The following ADAMTS3 variants were observed in gnomAD, a reference collection of about 807,000 sequenced individuals.
ADAMTS3 encodes ADAM metallopeptidase with thrombospondin type 1 motif 3.
In ADAMTS3, 73 loss-of-function variants were observed where a neutral mutation model predicts 129.0. The observed-to-expected ratio is 0.57, with a 90% confidence interval of 0.47 to 0.69. ADAMTS3 has a LOEUF of 0.69. Among genes scored for constraint, ADAMTS3 ranks in the 30% least tolerant of loss-of-function variants. ADAMTS3 has a pLI of 0.00. For synonymous variants in ADAMTS3, 477 were observed against 510.8 expected, an observed-to-expected ratio of 0.93 and a Z score of 0.89; for missense variants, 1,457 against 1,514.5, an observed-to-expected ratio of 0.96 and a Z score of 0.63.
intron 2 of ADAMTS3, among the ~76,000 whole-genome samples, chr4:72,550,360 C>T (rs1439916213): frequency 6.6e-6 from 1 of 151,990 alleles, no homozygotes; most frequent in Non-Finnish European, 1.5e-5. Flanking sequence ...TCATTATTTT[C>T]TTGCTTTTTA....
intron 20 of ADAMTS3, among the ~76,000 whole-genome samples, 159 bp downstream of exon 20, chr4:72,290,696 T>C (rs1469679439): frequency 6.6e-6 from 1 of 152,206 alleles, no homozygotes; most frequent in Middle Eastern, 3.2e-3. Flanking sequence ...ATGTACTGTC[T>C]TAAAGCATTA....
chr4:72,439,932 T>G (rs1718065231), intron 3 of ADAMTS3, among the ~76,000 whole-genome samples: 1 of 151,810 alleles, frequency 6.6e-6, no homozygotes, highest in Admixed American at 6.6e-5. Flanking sequence ...CACTCAATTG[T>G]TTACAAATTC....
At chr4:72,431,901 C>T (rs1009360345) in intron 3 of ADAMTS3, among the ~76,000 whole-genome samples, 10 of 151,638 alleles carry the variant, frequency 6.6e-5, no homozygotes, top group African/African-American at 1.9e-4. Context: ...GTAGTTGTAG[C>T]GTAGTAATTT....
At chr4:72,382,883 G>A (rs2109881423) in intron 4 of ADAMTS3, among the ~76,000 whole-genome samples, 1 of 152,240 alleles carries the variant, frequency 6.6e-6, no homozygotes, top group East Asian at 1.9e-4. Flanking sequence ...AGTGGGGAGG[G>A]TAGGAGGAAA....
At chr4:72,457,324 G>A (rs1578698186) in intron 3 of ADAMTS3, among the ~76,000 whole-genome samples, 1 of 151,712 alleles carries the variant, frequency 6.6e-6, no homozygotes, top group Middle Eastern at 3.4e-3. Flanking sequence ...GACAGTAATA[G>A]CACTTTAATT....
Position 72,288,829 on chromosome 4 carries a change from C to A in ADAMTS3, c.2971G>T (p.Val991Phe). Residue 991 changes from valine to phenylalanine, a missense_variant, in exon 21 of 22, where the codon GTC (valine) becomes TTC (phenylalanine). By Grantham distance (50) the Val-to-Phe change is conservative. Coordinates refer to ENST00000286657, the MANE Select transcript of ADAMTS3 (RefSeq NM_014243.3). ...TCGEGTEVRQ[V>F]LCRAGDHCDG... The stretch of plus-strand genomic sequence containing the variant: ...CAGTGGTCCCCAGCCCTGCAGAGGA[C>A]CTGCCTCACCTCCGTTCCTTCACCG... 4.3e-6 allele frequency: 7 copies of A among 1,613,572 alleles called. No individual in the cohort carries two copies. The highest frequency in any genetic ancestry group is 5.9e-6 in the Non-Finnish European group (7 of 1,179,862).
intron 5 of ADAMTS3, 85 bp from the exon 6 acceptor site, chr4:72,323,182 A>G (rs1045811655): frequency 1.0e-6 from 1 of 988,378 alleles, no homozygotes; most frequent in African/African-American, 1.6e-5. Context: ...TAATCACCAC[A>G]AATAGGTGAG....
In ADAMTS3 at chr4:72,350,715, G is replaced by A. The variant is rs576734794; in HGVS notation, c.662-11022C>T. Reference sequence around the variant, plus strand: ...CCGTCTGTCTACCCTCCACTGTGATGTGAATCATGAGATATTGCAGTCTGG... The same window carrying A: ...CCGTCTGTCTACCCTCCACTGTGATATGAATCATGAGATATTGCAGTCTGG... On this transcript the variant is annotated intron_variant, in intron 4 of 21. Transcript: ENST00000286657. Among the ~76,000 whole-genome samples, 61 of 152,078 alleles carry A rather than the reference G, an allele frequency of 4.0e-4. 1 individual carries two copies. The South Asian group carries it at 0.013, about 31-fold the overall frequency.
chr4:72,320,099 T>C (rs1719514535), intron 7 of ADAMTS3, 136 bp from the exon 8 acceptor site: 2 of 673,410 alleles, frequency 3.0e-6, no homozygotes, highest in South Asian at 3.8e-5. Flanking sequence ...CTACTAGCAT[T>C]GTGTCACATT....
chr4:72,408,547 T>C (rs1484503065), intron 4 of ADAMTS3, among the ~76,000 whole-genome samples: 1 of 152,102 alleles, frequency 6.6e-6, no homozygotes, highest in Non-Finnish European at 1.5e-5. Flanking sequence ...TGACATCTAA[T>C]TTATAGAAAA....
chr4:72,469,526 G>T (rs913712891), intron 3 of ADAMTS3, among the ~76,000 whole-genome samples: 1 of 152,090 alleles, frequency 6.6e-6, no homozygotes, highest in Non-Finnish European at 1.5e-5. Context: ...AATAAAATCA[G>T]TGTCCTTTCC....
intron 3 of ADAMTS3, among the ~76,000 whole-genome samples, chr4:72,528,850 A>G (rs1720883791): frequency 6.6e-6 from 1 of 152,072 alleles, no homozygotes; most frequent in Non-Finnish European, 1.5e-5. Flanking sequence ...TTGAGTACAC[A>G]CTCTACGCCA....
At position 72,303,234 on chromosome 4, in the gene ADAMTS3, C is replaced by T. The variant is rs188320656; in HGVS notation, c.2424+683G>A. On this transcript the variant is annotated intron_variant, in intron 17 of 21. Coordinates refer to ENST00000286657, the MANE Select transcript of ADAMTS3 (RefSeq NM_014243.3). ...TCAGAAGTTCCCTTGCCCTTCTCTCCTCTAGGTAGTGGCCCCACTTGCAAA... is the reference window on the plus strand; with the variant it reads ...TCAGAAGTTCCCTTGCCCTTCTCTCTTCTAGGTAGTGGCCCCACTTGCAAA... 5.9e-5 allele frequency among the ~76,000 whole-genome samples: 9 copies of T among 152,198 alleles called. No individual in the cohort carries two copies. The East Asian group carries it at 1.7e-3, about 29-fold the overall frequency.
chr4:72,392,335 AG>A (rs142822304), intron 4 of ADAMTS3, among the ~76,000 whole-genome samples: 6,704 of 152,240 alleles, frequency 0.044, 164 homozygotes, highest in Non-Finnish European at 0.052. Context: ...AACTTTCCAC[AG>A]CCTTTATATT....
At chr4:72,419,769 A>G (rs1031618379) in intron 3 of ADAMTS3, among the ~76,000 whole-genome samples, 3 of 152,154 alleles carry the variant, frequency 2.0e-5, no homozygotes, top group African/African-American at 7.2e-5. Context: ...ACAGCAAGCA[A>G]GCTATTCATT....
intron 3 of ADAMTS3, among the ~76,000 whole-genome samples, chr4:72,518,142 C>T (rs62319464): frequency 0.32 from 47,949 of 151,746 alleles, 7,706 homozygotes; most frequent in Middle Eastern, 0.35. Context: ...TGTAGTTGAG[C>T]GGTTTTGAGT....
At chr4:72,375,327 A>G (rs935709119) in intron 4 of ADAMTS3, among the ~76,000 whole-genome samples, 4 of 152,180 alleles carry the variant, frequency 2.6e-5, no homozygotes. Flanking sequence ...CTGTGTATCC[A>G]ATTCCACAAA....
chr4:72,330,499 T>C (rs997129756), intron 5 of ADAMTS3: 3 of 152,216 alleles, frequency 2.0e-5, no homozygotes, highest in African/African-American at 7.2e-5. Flanking sequence ...ACAGACTAAA[T>C]CATCCTTGAT....
chr4:72,427,109 T>C (rs994733195), intron 3 of ADAMTS3, among the ~76,000 whole-genome samples: 3 of 152,114 alleles, frequency 2.0e-5, no homozygotes, highest in Non-Finnish European at 2.9e-5. Context: ...CTGACTGGTG[T>C]CAAGGTGTTA....
Sources: gnomAD v4.1 joint callset for allele counts (sites outside exome capture counted in the v4.1 genomes callset) on GRCh38, gnomAD v4.1.1 for gene constraint, MANE v1.5 for transcripts, NCBI Gene and HGNC (gene_info 2026-07-23, HGNC 2026-07-21) for gene names.